The following BTBD9 variants were observed in gnomAD, a reference collection of about 807,000 sequenced individuals.
The protein encoded by BTBD9 is BTB/POZ domain-containing protein 9.
Under a neutral mutation model 64.3 loss-of-function variants are expected in BTBD9, and 49 were observed. The ratio of observed to expected loss-of-function variants is 0.76; its 90% confidence interval spans 0.61 to 0.97. The LOEUF (loss-of-function observed/expected upper bound fraction) is 0.97. Among genes scored for constraint, BTBD9 ranks in the 50% least tolerant of loss-of-function variants. The pLI, the probability that BTBD9 is intolerant of heterozygous loss-of-function variation, is 0.00. For synonymous variants in BTBD9, 260 were observed against 274.7 expected (o/e 0.95, Z 0.53); for missense variants, 598 against 762.1 (o/e 0.78, Z 2.53).
At chr6:38,196,061 C>T (rs1056257955) in intron 9 of BTBD9, among the ~76,000 whole-genome samples, 2 of 152,254 alleles carry the variant, frequency 1.3e-5, no homozygotes, top group African/African-American at 4.8e-5. Context: ...TGTATTATTA[C>T]GCCAAGTATT....
chr6:38,617,060 C>T (rs1015203183), intron 1 of BTBD9, among the ~76,000 whole-genome samples: 7 of 152,166 alleles, frequency 4.6e-5, no homozygotes, highest in Non-Finnish European at 4.4e-5. Context: ...ACACTGGGCA[C>T]CTGTCAGCCA....
rs1485522088 is a variant in BTBD9 at position 38,543,817 on chromosome 6, C to T, written c.1154+33783G>A. On this transcript the variant is annotated intron_variant, in intron 6 of 10. Coordinates refer to ENST00000481247, the MANE Select transcript of BTBD9 (RefSeq NM_001099272.2). ...CTAAAAATACAAAAAATTAGCCGGG[C>T]GTGTTGGCGGGCGCCTGTAGTCCCA... 2.6e-5 allele frequency among the ~76,000 whole-genome samples: 4 copies of T among 151,998 alleles called. No individual in the cohort carries two copies. In the South Asian group the frequency reaches 8.3e-4, roughly 32 times the overall value.
chr6:38,251,645 C>T (rs1481603362), intron 9 of BTBD9, among the ~76,000 whole-genome samples: 2 of 152,058 alleles, frequency 1.3e-5, no homozygotes, highest in African/African-American at 4.8e-5. Context: ...CACGCCTGTA[C>T]TTTGGGAGGC....
intron 9 of BTBD9, among the ~76,000 whole-genome samples, chr6:38,197,724 T>C (rs1350453317): frequency 6.6e-6 from 1 of 152,160 alleles, no homozygotes; most frequent in Non-Finnish European, 1.5e-5. Context: ...TATGGCAAAC[T>C]GGAAAGAAAA....
chr6:38,572,337 C>G (rs1410089051), intron 6 of BTBD9, among the ~76,000 whole-genome samples: 1 of 152,094 alleles, frequency 6.6e-6, no homozygotes, highest in African/African-American at 2.4e-5. Flanking sequence ...AAATCTATTT[C>G]CTTAGCTGGT....
intron 6 of BTBD9, among the ~76,000 whole-genome samples, chr6:38,408,054 A>G (rs912727914): frequency 1.3e-5 from 2 of 152,224 alleles, no homozygotes; most frequent in Non-Finnish European, 2.9e-5. Context: ...CTTGAAGGAC[A>G]CGATTTAAAA....
chr6:38,638,744 T>G (rs1163246737), intron 1 of BTBD9, among the ~76,000 whole-genome samples: 1 of 152,204 alleles, frequency 6.6e-6, no homozygotes, highest in East Asian at 1.9e-4. Context: ...ACACAAAACA[T>G]TAGATTTCAG....
intron 6 of BTBD9, among the ~76,000 whole-genome samples, chr6:38,373,530 G>A (rs1389841099): frequency 6.6e-6 from 1 of 152,112 alleles, no homozygotes; most frequent in Non-Finnish European, 1.5e-5. Context: ...GTTGGGAGGT[G>A]CATATAAACT....
intron 6 of BTBD9, among the ~76,000 whole-genome samples, chr6:38,405,983 A>G (rs1304320271): frequency 2.0e-5 from 3 of 148,326 alleles, no homozygotes. Context: ...TCAGAAATCA[A>G]CAACAGTGGA....
chr6:38,274,789 T>G (rs1245582964), intron 8 of BTBD9, among the ~76,000 whole-genome samples: 1 of 152,136 alleles, frequency 6.6e-6, no homozygotes, highest in Non-Finnish European at 1.5e-5. Context: ...GCCAGTATTT[T>G]ATTGAGGATT....
At chr6:38,606,927 C>T (rs1308513216) in intron 1 of BTBD9, among the ~76,000 whole-genome samples, 1 of 152,074 alleles carries the variant, frequency 6.6e-6, no homozygotes, top group Admixed American at 6.6e-5. Flanking sequence ...ACTTATAAAA[C>T]CTTGCTAAGT....
chr6:38,504,511 C>T (rs1430505562), intron 6 of BTBD9: 1 of 456,600 alleles, frequency 2.2e-6, no homozygotes, highest in Non-Finnish European at 4.4e-6. Flanking sequence ...GGACTTTGCA[C>T]TGTCACTGTC....
intron 7 of BTBD9, among the ~76,000 whole-genome samples, chr6:38,320,912 T>G (rs1363709254): frequency 6.6e-6 from 1 of 152,178 alleles, no homozygotes; most frequent in African/African-American, 2.4e-5. Context: ...TCTACCGACC[T>G]GCAAAAAACT....
chr6:38,228,341 T>TCCCC (rs756495862), intron 9 of BTBD9, among the ~76,000 whole-genome samples: 35 of 66,948 alleles, frequency 5.2e-4, no homozygotes, highest in African/African-American at 1.0e-3. Context: ...CAAGACCCTG[T>TCCCC]CCCCCCCCCC....
At chr6:38,512,425 A>G (rs141317064) in intron 6 of BTBD9, among the ~76,000 whole-genome samples, 2 of 152,350 alleles carry the variant, frequency 1.3e-5, no homozygotes, top group East Asian at 3.9e-4. Flanking sequence ...TCACTCTTCC[A>G]GTAAACTGTG....
intron 6 of BTBD9, among the ~76,000 whole-genome samples, chr6:38,564,703 A>G: frequency 6.6e-6 from 1 of 152,138 alleles, no homozygotes; most frequent in Non-Finnish European, 1.5e-5. Context: ...CCTGGCTAAC[A>G]TGGTGAAACC....
rs1175625259 is a variant in BTBD9 at position 38,291,957 on chromosome 6, TTTTC to T, written c.1265-3500_1265-3497del. ...AGGGATATTGGCCTGCAATTTTCTT[TTTTC>T]TTTCTTTTTTTTTTTTTGAGACGAA... On this transcript the variant is annotated intron_variant, in intron 7 of 10. Transcript: ENST00000481247. 4.0e-5 allele frequency among the ~76,000 whole-genome samples: 6 copies of T among 148,650 alleles called. No homozygotes were observed. The South Asian group carries it at 6.5e-4, about 16-fold the overall frequency.
chr6:38,372,426 A>G (rs1041239086), intron 6 of BTBD9, among the ~76,000 whole-genome samples: 2 of 152,170 alleles, frequency 1.3e-5, no homozygotes, highest in Non-Finnish European at 2.9e-5. Context: ...ATGGACTGAC[A>G]TAACACATTT....
intron 6 of BTBD9, among the ~76,000 whole-genome samples, chr6:38,493,991 G>A (rs1771819547): frequency 6.6e-6 from 1 of 152,162 alleles, no homozygotes; most frequent in African/African-American, 2.4e-5. Context: ...ATTCAAACAA[G>A]TTTCCACAGC....
Sources: gnomAD v4.1 joint callset for allele counts (sites outside exome capture counted in the v4.1 genomes callset) on GRCh38, gnomAD v4.1.1 for gene constraint, MANE v1.5 for transcripts, NCBI Gene and HGNC (gene_info 2026-07-23, HGNC 2026-07-21) for gene names.